The following OVCH1 variants were observed in gnomAD, a reference collection of about 807,000 sequenced individuals.
OVCH1 encodes ovochymase-1.
OVCH1 carries 139 observed loss-of-function variants against 138.4 expected under a neutral mutation model. That is an observed-to-expected ratio of 1.00 (90% CI 0.87 to 1.16). OVCH1 has a LOEUF of 1.16. OVCH1 is among the 50% of genes most tolerant of loss of function. OVCH1 has a pLI of 0.00. For missense variants in OVCH1, 1,367 were observed against 1,357.9 expected (o/e 1.01, Z -0.11); for synonymous variants, 453 against 467.8 (o/e 0.97, Z 0.41).
At chr12:29,403,893 A>G in the OVCH1 span, among the ~76,000 whole-genome samples, 9 of 152,222 alleles carry the variant, frequency 5.9e-5, no homozygotes, top group Admixed American at 2.0e-4. Context: ...AATTGTATAT[A>G]ATGGTATTCA....
intron 9 of OVCH1, among the ~76,000 whole-genome samples, chr12:29,477,887 C>T (rs542950088): frequency 6.6e-6 from 1 of 152,176 alleles, no homozygotes; most frequent in African/African-American, 2.4e-5. Context: ...AAAAAACGTC[C>T]AGTACCTGCT....
chr12:29,436,283 A>G (rs1240520432), intron 26 of OVCH1, among the ~76,000 whole-genome samples: 1 of 9,216 alleles, frequency 1.1e-4, no homozygotes, highest in Non-Finnish European at 2.0e-4. Context: ...CTAAAAGTTG[A>G]GACACCCAGT....
At chr12:29,468,874 T>C (rs1219937298) in intron 16 of OVCH1, among the ~76,000 whole-genome samples, 1 of 152,194 alleles carries the variant, frequency 6.6e-6, no homozygotes, top group East Asian at 1.9e-4. Flanking sequence ...TAGCAACTAC[T>C]ATACCCAGCA....
intron 27 of OVCH1, among the ~76,000 whole-genome samples, chr12:29,431,912 C>A (rs1436313): frequency 0.091 from 13,800 of 152,220 alleles, 647 homozygotes; most frequent in African/African-American, 0.12. Flanking sequence ...AAAATAGACA[C>A]GTTTGTTAAC....
chr12:29,459,785 A>T (rs765485272), intron 19 of OVCH1, among the ~76,000 whole-genome samples: 17 of 152,164 alleles, frequency 1.1e-4, no homozygotes, highest in Non-Finnish European at 2.4e-4. Flanking sequence ...TTAAAAATTA[A>T]AAAAGAACTT....
chr12:29,411,340 TG>T (rs753858378), downstream of OVCH1, among the ~76,000 whole-genome samples: 41 of 151,270 alleles, frequency 2.7e-4, no homozygotes, highest in Non-Finnish European at 5.6e-4. Flanking sequence ...GTTCCATTGC[TG>T]GTGAGGAACT....
At chr12:29,409,996 A>T (rs996162076), downstream of OVCH1, among the ~76,000 whole-genome samples, 3 of 152,108 alleles carry the variant, frequency 2.0e-5, no homozygotes, top group South Asian at 2.1e-4. Flanking sequence ...GTGCTCCTGT[A>T]TTGGGTGCGT....
chr12:29,462,177 CAT>C (rs1942159727), intron 18 of OVCH1, among the ~76,000 whole-genome samples, 169 bp from the exon 19 acceptor site: 1 of 152,184 alleles, frequency 6.6e-6, no homozygotes, highest in Non-Finnish European at 1.5e-5. Flanking sequence ...TTTCATGTAA[CAT>C]GTCTTCATTT....
intron 9 of OVCH1, 71 bp downstream of exon 10, chr12:29,478,764 G>C (rs1942827252): frequency 9.1e-7 from 1 of 1,104,246 alleles, no homozygotes; most frequent in East Asian, 3.0e-5. Flanking sequence ...TTTTATTTTA[G>C]ATCCTTTAGC....
At chr12:29,439,302 T>G in intron 26 of OVCH1, 3 of 1,462,358 alleles carry the variant, frequency 2.1e-6, no homozygotes, top group Non-Finnish European at 2.7e-6. Flanking sequence ...AAGCCCAAGT[T>G]CTAATCACCT....
chr12:29,481,583 C>T (rs1396462492), intron 8 of OVCH1, among the ~76,000 whole-genome samples: 2 of 152,146 alleles, frequency 1.3e-5, no homozygotes, highest in African/African-American at 2.4e-5. Flanking sequence ...TTGTTGCTTT[C>T]CCAGAAAAGG....
chr12:29,477,860 G>A (rs965261803), intron 9 of OVCH1, among the ~76,000 whole-genome samples: 1 of 152,154 alleles, frequency 6.6e-6, no homozygotes, highest in Non-Finnish European at 1.5e-5. Context: ...ATTTATTTGG[G>A]CAGAGTGCTT....
chr12:29,433,087 C>T (rs1324215804), intron 27 of OVCH1, among the ~76,000 whole-genome samples: 1 of 152,172 alleles, frequency 6.6e-6, no homozygotes, highest in Non-Finnish European at 1.5e-5. Context: ...CCTTGATTCC[C>T]TTCCCTGTCC....
At chr12:29,412,929 A>T (rs1940979030) in intron 3 of OVCH1, among the ~76,000 whole-genome samples, 1 of 151,808 alleles carries the variant, frequency 6.6e-6, no homozygotes, top group African/African-American at 2.4e-5. Flanking sequence ...CTCACTGTAG[A>T]CTCTAACTCC....
At chr12:29,476,781 A>G (rs867098168) in intron 12 of OVCH1, among the ~76,000 whole-genome samples, 8,820 of 132,392 alleles carry the variant, frequency 0.067, 411 homozygotes, top group Non-Finnish European at 0.09. Context: ...ACACACACAC[A>G]CACACACACA....
intron 25 of OVCH1, among the ~76,000 whole-genome samples, chr12:29,441,230 C>G (rs1941477207): frequency 6.6e-6 from 1 of 152,264 alleles, no homozygotes; most frequent in African/African-American, 2.4e-5. Context: ...TACTACAAGG[C>G]TACAGTAACC....
At chr12:29,476,755 G>GCGCGCGCGCACACACACA (rs1264497944) in intron 12 of OVCH1, among the ~76,000 whole-genome samples, 1 of 103,342 alleles carries the variant, frequency 9.7e-6, no homozygotes, top group African/African-American at 3.8e-5. Context: ...ACACACGCGC[G>GCGCGCGCGCACACACACA]CACACACACA....
rs140711415 is a variant in OVCH1, at chr12:29,438,118, T to TTC, written c.3264+1208_3264+1209dup. 8.4e-3 allele frequency among the ~76,000 whole-genome samples: 1,286 copies of TTC among 152,302 alleles called. 20 individuals carry two copies. The highest frequency in any genetic ancestry group is 0.029 in the African/African-American group (1,209 of 41,570). Reference sequence around the variant, plus strand: ...CTACTACTTTTATATGAGAAAGTCCTTCTCCATATGGTTAACTACCAATAT... The same window carrying TTC: ...CTACTACTTTTATATGAGAAAGTCCTTCTCTCCATATGGTTAACTACCAATAT... On this transcript the variant is annotated intron_variant, in intron 26 of 27. Coordinates refer to ENST00000318184, the Ensembl canonical transcript of OVCH1.
At chr12:29,475,117 C>T (rs1414423461) in exon 14 of OVCH1, 4 of 1,574,872 alleles carry the variant, frequency 2.5e-6, no homozygotes, top group Non-Finnish European at 3.5e-6. Flanking sequence ...TTTACCATCA[C>T]TTTTAAAGTA....
Sources: gnomAD v4.1 joint callset for allele counts (sites outside exome capture counted in the v4.1 genomes callset) on GRCh38, gnomAD v4.1.1 for gene constraint, MANE v1.5 for transcripts, NCBI Gene and HGNC (gene_info 2026-07-23, HGNC 2026-07-21) for gene names.